The following DYNC2LI1 variants were observed in gnomAD, a reference collection of about 807,000 sequenced individuals.
DYNC2LI1 encodes the protein dynein cytoplasmic 2 light intermediate chain 1.
A neutral mutation model predicts 51.9 loss-of-function variants in DYNC2LI1; 45 were observed. The observed-to-expected ratio is 0.87, with a 90% CI of 0.68 to 1.11. The LOEUF (loss-of-function observed/expected upper bound fraction) is 1.11. Ranked by LOEUF, DYNC2LI1 falls within the 50% of genes most tolerant of loss-of-function variation. The pLI is 0.00. For missense variants in DYNC2LI1, 490 were observed against 417.4 expected, an observed-to-expected ratio of 1.17 and a Z score of -1.51; for synonymous variants, 130 against 137.8, an observed-to-expected ratio of 0.94 and a Z score of 0.40.
chr2:43,812,261 C>G (rs1021488833), downstream of DYNC2LI1, among the ~76,000 whole-genome samples: 1 of 150,956 alleles, frequency 6.6e-6, no homozygotes, highest in African/African-American at 2.4e-5. Flanking sequence ...CAGCTGATCT[C>G]CAGCCTTAAT....
chr2:43,818,612 G>A, the DYNC2LI1 span, among the ~76,000 whole-genome samples: 1 of 152,162 alleles, frequency 6.6e-6, no homozygotes, highest in Non-Finnish European at 1.5e-5. Flanking sequence ...TCTGTACATT[G>A]CTGGCTTGAT....
the DYNC2LI1 span, chr2:43,826,508 A>C: frequency 1.2e-6 from 2 of 1,614,218 alleles, no homozygotes; most frequent in East Asian, 2.2e-5. Flanking sequence ...TTGGCTCATC[A>C]AACAGCATGA....
chr2:43,787,894 G>A (rs1246858089), intron 4 of DYNC2LI1, among the ~76,000 whole-genome samples: 1 of 152,024 alleles, frequency 6.6e-6, no homozygotes, highest in Non-Finnish European at 1.5e-5. Context: ...GCTAACACAG[G>A]CACATTTTTA....
At chr2:43,825,463 A>C in the DYNC2LI1 span, among the ~76,000 whole-genome samples, 3 of 152,208 alleles carry the variant, frequency 2.0e-5, no homozygotes, top group African/African-American at 7.2e-5. Flanking sequence ...TGGGCGGAGA[A>C]AGTGAGTTTT....
At chr2:43,810,093 G>T, downstream of DYNC2LI1, 1 of 545,082 alleles carries the variant, frequency 1.8e-6, no homozygotes, top group Non-Finnish European at 2.4e-6. Flanking sequence ...AAGAGTATTT[G>T]GTTACAGTTT....
the DYNC2LI1 span, among the ~76,000 whole-genome samples, chr2:43,816,570 G>A: frequency 3.3e-5 from 5 of 152,154 alleles, no homozygotes; most frequent in Non-Finnish European, 7.3e-5. Flanking sequence ...TTTGAACGGA[G>A]TCTTGTTCTG....
At chr2:43,778,487 A>G (rs1010902100) in intron 2 of DYNC2LI1, among the ~76,000 whole-genome samples, 1 of 152,196 alleles carries the variant, frequency 6.6e-6, no homozygotes, top group African/African-American at 2.4e-5. Flanking sequence ...ATTATGATGC[A>G]CGTGATTTTC....
chr2:43,783,384 G>A, intron 2 of DYNC2LI1, 136 bp from the exon 3 acceptor site: 1 of 706,074 alleles, frequency 1.4e-6, no homozygotes, highest in Non-Finnish European at 2.3e-6. Context: ...AATTCCGAAA[G>A]TTTCTAGTTT....
At chr2:43,820,827 T>C in the DYNC2LI1 span, among the ~76,000 whole-genome samples, 32 of 152,246 alleles carry the variant, frequency 2.1e-4, no homozygotes, top group African/African-American at 6.0e-4. Context: ...CTAATTTTTT[T>C]GTATTTAGTA....
chr2:43,816,771 A>T, the DYNC2LI1 span, among the ~76,000 whole-genome samples: 2 of 152,254 alleles, frequency 1.3e-5, no homozygotes, highest in African/African-American at 4.8e-5. Flanking sequence ...ATACAACAGG[A>T]TGATTTCATC....
At chr2:43,813,677 T>C (rs1666609340), downstream of DYNC2LI1, among the ~76,000 whole-genome samples, 2 of 150,724 alleles carry the variant, frequency 1.3e-5, no homozygotes, top group Admixed American at 6.6e-5. Flanking sequence ...TTTGGTTGTT[T>C]TTTTTTTGTT....
At chr2:43,795,009 C>A in intron 6 of DYNC2LI1, 1 of 1,154,484 alleles carries the variant, frequency 8.7e-7, no homozygotes, top group East Asian at 4.5e-5. Context: ...CAACTTTAAG[C>A]AAGGGGTAGA....
rs3792013 is a variant in DYNC2LI1, at chr2:43,800,809, G to A, written c.655-32G>A. ...CCTGTTTCTGTGATTGGAAAATAGAGCATGTAATTTGTTCTCCTGATTTGT... is the reference window on the plus strand; with the variant it reads ...CCTGTTTCTGTGATTGGAAAATAGAACATGTAATTTGTTCTCCTGATTTGT... On this transcript the variant is annotated intron_variant, in intron 8 of 12. Coordinates refer to ENST00000260605, the MANE Select transcript of DYNC2LI1 (RefSeq NM_016008.4). 0.083 allele frequency: 100,421 copies of A among 1,213,700 alleles called. 5,577 individuals are homozygous for A. The highest frequency in any genetic ancestry group is 0.27 in the Admixed American group (13,367 of 49,958). The allele number at this position is 1,213,700 out of a possible 1,614,324, so 75.2% of individuals were successfully genotyped here.
chr2:43,805,807 A>G (rs1666230774), intron 12 of DYNC2LI1, among the ~76,000 whole-genome samples: 1 of 152,128 alleles, frequency 6.6e-6, no homozygotes, highest in African/African-American at 2.4e-5. Context: ...CCATTTGAAC[A>G]CACAAGTCTG....
At chr2:43,826,978 TG>T in the DYNC2LI1 span, among the ~76,000 whole-genome samples, 101 of 152,338 alleles carry the variant, frequency 6.6e-4, no homozygotes, top group Admixed American at 1.7e-3. Context: ...GCCTGAAGTG[TG>T]GCAGGCATTT....
At chr2:43,783,744 A>G (rs1322862462) in intron 3 of DYNC2LI1, among the ~76,000 whole-genome samples, 190 bp downstream of exon 3, 1 of 152,234 alleles carries the variant, frequency 6.6e-6, no homozygotes, top group Non-Finnish European at 1.5e-5. Flanking sequence ...CAAAAATTAT[A>G]TGAGACTAAT....
Position 43,787,201 on chromosome 2 carries a change from C to T in DYNC2LI1, c.182C>T (p.Thr61Ile), listed in dbSNP as rs769689944. ...CLDRDEPPKP[T>I]LALEYTYGRR... ...TACAGAGATGAACCACCAAAACCAA[C>T]CTTAGCTTTGGAATATACATATGGA... Residue 61 changes from threonine to isoleucine, a missense_variant, in exon 4 of 13, where the codon ACC (threonine) becomes ATC (isoleucine). By Grantham distance (89) the Thr-to-Ile change is moderately conservative. Coordinates refer to ENST00000260605, the MANE Select transcript of DYNC2LI1 (RefSeq NM_016008.4). The T allele has an allele frequency of 1.2e-6, 2 of 1,613,166 alleles. No homozygotes were observed. Among genetic ancestry groups the T allele is most frequent in the African/African-American group, 2.7e-5 (2 of 74,914 alleles).
the DYNC2LI1 span, chr2:43,824,100 C>G: frequency 1.9e-6 from 3 of 1,614,056 alleles, no homozygotes; most frequent in Non-Finnish European, 2.5e-6. Flanking sequence ...TATTTCTCAC[C>G]AAGTTTCTTG....
At chr2:43,777,932 T>A (rs1387065796) in intron 2 of DYNC2LI1, among the ~76,000 whole-genome samples, 8 of 152,244 alleles carry the variant, frequency 5.3e-5, no homozygotes, top group African/African-American at 1.9e-4. Context: ...CATGACATGA[T>A]CCCAATTATA....
Sources: allele counts gnomAD v4.1 joint callset (sites outside exome capture counted in the v4.1 genomes callset), GRCh38; gene constraint gnomAD v4.1.1; transcripts MANE v1.5; gene names NCBI Gene and HGNC (gene_info 2026-07-23, HGNC 2026-07-21).